TENM2: variants seen among roughly 807,000 people sequenced by gnomAD.
TENM2 encodes teneurin-2.
A neutral mutation model predicts 245.2 loss-of-function variants in TENM2; 52 were observed. The ratio of observed to expected loss-of-function variants is 0.21; its 90% confidence interval spans 0.17 to 0.27. The LOEUF is 0.27. Among genes scored for constraint, TENM2 ranks in the 10% least tolerant of loss-of-function variants. The pLI, the probability that TENM2 is intolerant of heterozygous loss-of-function variation, is 1.00. For synonymous variants in TENM2, 1,363 were observed against 1,438.9 expected (o/e 0.95, Z 1.19); for missense variants, 3,046 against 3,666.8 (o/e 0.83, Z 4.37).
At chr5:168,126,880 C>A in exon 12 of TENM2, 1 of 1,608,466 alleles carries the variant, frequency 6.2e-7, no homozygotes, top group Non-Finnish European at 8.5e-7. Context: ...GAGCACGGGA[C>A]CTGTAAAGAT....
the TENM2 span, among the ~76,000 whole-genome samples, chr5:167,168,933 G>A: frequency 6.6e-6 from 1 of 152,038 alleles, no homozygotes; most frequent in Non-Finnish European, 1.5e-5. Context: ...CCAATTTTTT[G>A]TATTTTTAGT....
At chr5:167,200,413 C>T in the TENM2 span, among the ~76,000 whole-genome samples, 2 of 151,912 alleles carry the variant, frequency 1.3e-5, no homozygotes, top group Non-Finnish European at 2.9e-5. Context: ...TTTGTGGTCT[C>T]TCTGTCTCTC....
In TENM2 at chr5:167,517,846, AG is replaced by A. The variant is rs575816430; in HGVS notation, c.502+142379del. On this transcript the variant is annotated intron_variant, in intron 2 of 28. Coordinates refer to ENST00000518659, the Ensembl canonical transcript of TENM2. ...AGAGAATTATATGCACCTGGTGATGAGGGGGGTTGATGGAGTCGAGAGAGAG... is the reference window on the plus strand; with the variant it reads ...AGAGAATTATATGCACCTGGTGATGAGGGGGTTGATGGAGTCGAGAGAGAG... Among the ~76,000 whole-genome samples, 463 of 152,096 alleles carry A rather than the reference AG, an allele frequency of 3.0e-3. 6 individuals are homozygous for A. The highest frequency in any genetic ancestry group is 0.01 in the Middle Eastern group (3 of 294).
chr5:166,984,385 A>T, the TENM2 span, among the ~76,000 whole-genome samples: 1 of 152,096 alleles, frequency 6.6e-6, no homozygotes, highest in Non-Finnish European at 1.5e-5. Flanking sequence ...GAAAAACTTT[A>T]CATTTAAATG....
At chr5:167,043,072 T>C in the TENM2 span, among the ~76,000 whole-genome samples, 1 of 152,354 alleles carries the variant, frequency 6.6e-6, no homozygotes, top group East Asian at 1.9e-4. Flanking sequence ...GTTCTGTGGC[T>C]AAATTGCTTC....
chr5:167,523,170 A>G (rs1770876879), intron 2 of TENM2, among the ~76,000 whole-genome samples: 5 of 152,196 alleles, frequency 3.3e-5, no homozygotes, highest in Admixed American at 3.3e-4. Flanking sequence ...TCTCAAGATT[A>G]TACCTGATCA....
chr5:167,955,146 A>G (rs1780449630), intron 4 of TENM2, among the ~76,000 whole-genome samples: 1 of 152,114 alleles, frequency 6.6e-6, no homozygotes, highest in Non-Finnish European at 1.5e-5. Flanking sequence ...CCTGACTTTC[A>G]ATGATCGCCA....
At chr5:167,172,331 G>A in the TENM2 span, among the ~76,000 whole-genome samples, 1 of 152,202 alleles carries the variant, frequency 6.6e-6, no homozygotes, top group African/African-American at 2.4e-5. Context: ...CATAGGCAAT[G>A]TGGTAAACTT....
In TENM2 at chr5:167,327,439, T is replaced by C. The variant is rs184057682; in HGVS notation, c.226+42376T>C. On this transcript the variant is annotated intron_variant, in intron 1 of 28. Coordinates refer to ENST00000518659, the Ensembl canonical transcript of TENM2. ...TTCAATTGGGGAGGCAGGAATTAAATATGAAATATAGTCACAAATTGGAAT... is the reference window on the plus strand; with the variant it reads ...TTCAATTGGGGAGGCAGGAATTAAACATGAAATATAGTCACAAATTGGAAT... 1.9e-3 allele frequency among the ~76,000 whole-genome samples: 291 copies of C among 152,294 alleles called. 3 individuals carry two copies. Among genetic ancestry groups the C allele is most frequent in the African/African-American group, 6.5e-3 (271 of 41,556 alleles).
chr5:167,528,925 C>G (rs1024124530), intron 2 of TENM2, among the ~76,000 whole-genome samples: 3 of 152,070 alleles, frequency 2.0e-5, no homozygotes, highest in Non-Finnish European at 2.9e-5. Context: ...ACTATATATT[C>G]CCACGTGATT....
the TENM2 span, among the ~76,000 whole-genome samples, chr5:167,089,035 T>C: frequency 6.6e-6 from 1 of 152,346 alleles, no homozygotes; most frequent in East Asian, 1.9e-4. Flanking sequence ...CCTTCCATAA[T>C]AATTGTATCT....
At chr5:167,712,307 A>G (rs527890550) in intron 2 of TENM2, among the ~76,000 whole-genome samples, 61 of 152,342 alleles carry the variant, frequency 4.0e-4, no homozygotes, top group Non-Finnish European at 8.1e-4. Flanking sequence ...CAATTGTAAG[A>G]TATTTTTTAA....
At chr5:167,529,697 T>C (rs1771368134) in intron 2 of TENM2, among the ~76,000 whole-genome samples, 1 of 152,204 alleles carries the variant, frequency 6.6e-6, no homozygotes, top group African/African-American at 2.4e-5. Flanking sequence ...TGGGTTAGCT[T>C]ATGAGGGCAC....
chr5:167,660,901 G>A (rs1755169354), intron 2 of TENM2, among the ~76,000 whole-genome samples: 2 of 152,104 alleles, frequency 1.3e-5, no homozygotes, highest in African/African-American at 4.8e-5. Context: ...GCTTGTGGGT[G>A]CTGGGGACTC....
chr5:168,262,201 CAT>C lies in TENM2; in HGVS notation c.7717_7718del (p.Met2573ValfsTer20). 6.2e-7 allele frequency: 1 copy of C among 1,610,188 alleles called. No homozygotes were observed. Among genetic ancestry groups the C allele is most frequent in the Non-Finnish European group, 8.5e-7 (1 of 1,178,010 alleles). On this transcript the variant is annotated frameshift_variant, in exon 29 of 29. Transcript: ENST00000518659. LOFTEE classifies it high-confidence loss of function. ...CCACGCCCATCATTGGCAAAGGCAT[CAT>C]GTTTGCCATCAAAGAAGGGCGGGTG...
the TENM2 span, among the ~76,000 whole-genome samples, chr5:167,066,576 C>T: frequency 1.8e-4 from 27 of 149,218 alleles, no homozygotes; most frequent in Admixed American, 1.6e-3. Context: ...GTTCCCCTTC[C>T]TGTGTCCAAG....
the TENM2 span, among the ~76,000 whole-genome samples, chr5:167,246,929 C>A: frequency 6.6e-6 from 1 of 151,966 alleles, no homozygotes; most frequent in Non-Finnish European, 1.5e-5. Flanking sequence ...ATCACCTCAT[C>A]ATTCATTTTG....
chr5:167,490,931 C>T (rs995490909), intron 2 of TENM2, among the ~76,000 whole-genome samples: 2 of 152,144 alleles, frequency 1.3e-5, no homozygotes, highest in South Asian at 2.1e-4. Context: ...CTACGTTTCT[C>T]AGCTCTGTAT....
At chr5:167,394,298 T>C (rs567820089) in intron 2 of TENM2, among the ~76,000 whole-genome samples, 104 of 152,322 alleles carry the variant, frequency 6.8e-4, no homozygotes, top group Admixed American at 3.2e-3. Context: ...TATTTTTGTG[T>C]ATGGTGTAAA....
Sources: gnomAD v4.1 joint callset for allele counts (sites outside exome capture counted in the v4.1 genomes callset) on GRCh38, gnomAD v4.1.1 for gene constraint, MANE v1.5 for transcripts, NCBI Gene and HGNC (gene_info 2026-07-23, HGNC 2026-07-21) for gene names.